Variants in ZNF69 observed in about 807,000 individuals in gnomAD.
ZNF69 encodes zinc finger protein 69.
In ZNF69, 47 loss-of-function variants were observed where a neutral mutation model predicts 50.9. The ratio of observed to expected loss-of-function variants is 0.92; its 90% confidence interval spans 0.73 to 1.18. The LOEUF is 1.18. ZNF69 is among the 50% of genes most tolerant of loss of function. The pLI is 0.00. For missense variants in ZNF69, 717 were observed against 675.1 expected, an observed-to-expected ratio of 1.06 and a Z score of -0.69; for synonymous variants, 216 against 223.1, an observed-to-expected ratio of 0.97 and a Z score of 0.29.
At chr19:11,977,536 CTCT>C in the ZNF69 span, 3 of 1,370,618 alleles carry the variant, frequency 2.2e-6, no homozygotes, top group South Asian at 1.3e-5. Context: ...TCAAATTCAT[CTCT>C]TCTTAGAATA....
chr19:11,949,812 A>G, the ZNF69 span: 6,092 of 1,607,368 alleles, frequency 3.8e-3, 131 homozygotes, highest in African/African-American at 0.047. Context: ...AGTGTAAGCA[A>G]TGTGGGAAAG....
At chr19:11,977,965 TTGTAGAACA>T in the ZNF69 span, 1 of 930,466 alleles carries the variant, frequency 1.1e-6, no homozygotes, top group South Asian at 1.7e-5. Context: ...CTATGTCACC[TTGTAGAACA>T]TGTTGTCCAT....
the ZNF69 span, among the ~76,000 whole-genome samples, chr19:11,930,414 GA>G: frequency 6.7e-6 from 1 of 148,434 alleles, no homozygotes; most frequent in South Asian, 2.1e-4. Flanking sequence ...CCACATGGAG[GA>G]ACTGGGAGGA....
At chr19:11,917,612 C>A (rs1450172225), downstream of ZNF69, among the ~76,000 whole-genome samples, 1 of 150,108 alleles carries the variant, frequency 6.7e-6, no homozygotes, top group African/African-American at 2.5e-5. Flanking sequence ...TTGCTCTTTC[C>A]CCACGCATCT....
the ZNF69 span, among the ~76,000 whole-genome samples, chr19:11,925,853 G>C: frequency 3.3e-5 from 5 of 152,222 alleles, no homozygotes; most frequent in Non-Finnish European, 5.9e-5. Context: ...ACCCCAAGCA[G>C]CCTGGAGTAA....
chr19:11,911,587 C>G (rs1418543467), downstream of ZNF69, among the ~76,000 whole-genome samples: 2 of 152,136 alleles, frequency 1.3e-5, no homozygotes, highest in Admixed American at 6.6e-5. Context: ...AAAACCAACA[C>G]TGCATATTCT....
chr19:11,922,704 T>C, the ZNF69 span, among the ~76,000 whole-genome samples: 7 of 152,164 alleles, frequency 4.6e-5, no homozygotes, highest in African/African-American at 1.7e-4. Flanking sequence ...CCAAGCCTCT[T>C]ATGTGGCCAG....
In ZNF69 at chr19:11,905,599, G is replaced by T; in HGVS notation, c.1202G>T (p.Ser401Ile). The change falls in exon 4 of 4, where the codon AGT (serine) becomes ATT (isoleucine). Residue 401 changes from serine to isoleucine, a missense_variant. By Grantham distance (142) the Ser-to-Ile change is moderately radical (BLOSUM62 -2). Transcript: ENST00000429654. ...KQCGKAFIHS[S>I]SLRYHERIHT... Reference sequence around the variant, plus strand: ...TGTGGTAAAGCCTTCATTCATTCCAGTTCCCTTCGTTATCATGAAAGGATT... The same window carrying T: ...TGTGGTAAAGCCTTCATTCATTCCATTTCCCTTCGTTATCATGAAAGGATT... 6.2e-7 allele frequency: 1 copy of T among 1,613,696 alleles called. No individual in the cohort carries two copies. Among genetic ancestry groups the T allele is most frequent in the South Asian group, 1.1e-5 (1 of 91,064 alleles).
At chr19:11,968,463 T>A in the ZNF69 span, among the ~76,000 whole-genome samples, 19,185 of 152,060 alleles carry the variant, frequency 0.13, 2,254 homozygotes, top group African/African-American at 0.31. Context: ...GCTGGTCTCT[T>A]GCTCCTGGCC....
At chr19:11,950,840 A>T in the ZNF69 span, 1 of 171,198 alleles carries the variant, frequency 5.8e-6, no homozygotes, top group Non-Finnish European at 1.3e-5. Flanking sequence ...AATGCCAGGC[A>T]TCTTTTTCCT....
the ZNF69 span, among the ~76,000 whole-genome samples, chr19:11,938,500 T>A: frequency 6.6e-6 from 1 of 152,176 alleles, no homozygotes; most frequent in Admixed American, 6.5e-5. Context: ...TTTTCTGTCC[T>A]TGAGATAGTT....
Position 11,906,539 on chromosome 19 carries a change from C to A in ZNF69, c.*441C>A, listed in dbSNP as rs1387834649. Among the ~76,000 whole-genome samples, 1 of 152,210 alleles carries A rather than the reference C, an allele frequency of 6.6e-6. No individual in the cohort carries two copies. The highest frequency in any genetic ancestry group is 2.4e-5 in the African/African-American group (1 of 41,458). On this transcript the variant is annotated 3_prime_UTR_variant, in exon 4 of 4. Coordinates refer to ENST00000429654, the MANE Select transcript of ZNF69 (RefSeq NM_001364730.1). The stretch of plus-strand genomic sequence containing the variant: ...TGCAATATTTGCTGTTCTGCAGCCC[C>A]TGCTGGTGATACCCAGGCAAACAGG...
chr19:11,918,028 C>A (rs1239172045), downstream of ZNF69, among the ~76,000 whole-genome samples: 2 of 152,066 alleles, frequency 1.3e-5, no homozygotes, highest in Non-Finnish European at 2.9e-5. Flanking sequence ...TCAGGTGATC[C>A]ACCCGCCTCG....
At chr19:11,940,182 G>A in the ZNF69 span, among the ~76,000 whole-genome samples, 114 of 152,188 alleles carry the variant, frequency 7.5e-4, 1 homozygote, top group African/African-American at 2.6e-3. Context: ...GACCTGCCTC[G>A]GCCTCCAAAA....
At chr19:11,974,084 T>A in the ZNF69 span, among the ~76,000 whole-genome samples, 98 of 77,778 alleles carry the variant, frequency 1.3e-3, no homozygotes, top group African/African-American at 4.5e-3. Flanking sequence ...TTTCTTTCTT[T>A]CTTTCTTTCT....
At chr19:11,979,031 AT>A in the ZNF69 span, 1 of 1,614,210 alleles carries the variant, frequency 6.2e-7, no homozygotes. Flanking sequence ...AACCTTATGA[AT>A]GTAAGCAGTG....
intron 1 of ZNF69, among the ~76,000 whole-genome samples, chr19:11,894,910 A>G (rs1449571166): frequency 6.6e-6 from 1 of 152,138 alleles, no homozygotes; most frequent in African/African-American, 2.4e-5. Context: ...GCCCACCCCA[A>G]CGGGGTGGAC....
chr19:11,964,305 G>C, the ZNF69 span, among the ~76,000 whole-genome samples: 1 of 152,212 alleles, frequency 6.6e-6, no homozygotes, highest in South Asian at 2.1e-4. Context: ...TACCTCTGGA[G>C]CCTGGGGCTG....
At chr19:11,949,470 C>T in the ZNF69 span, 2 of 1,612,468 alleles carry the variant, frequency 1.2e-6, no homozygotes, top group Non-Finnish European at 1.7e-6. Context: ...GTGGGAAAGC[C>T]TTCAGATATG....
Sources: allele counts gnomAD v4.1 joint callset (sites outside exome capture counted in the v4.1 genomes callset), GRCh38; gene constraint gnomAD v4.1.1; transcripts MANE v1.5; gene names NCBI Gene and HGNC (gene_info 2026-07-23, HGNC 2026-07-21).